PLCB1: variants seen among roughly 807,000 people sequenced by gnomAD.
The protein encoded by PLCB1 is phospholipase C beta 1.
Under a neutral mutation model 161.8 loss-of-function variants are expected in PLCB1, and 46 were observed. That is an observed-to-expected ratio of 0.28 (90% CI 0.22 to 0.36). The LOEUF (loss-of-function observed/expected upper bound fraction) is 0.36. Ranked by LOEUF, PLCB1 falls within the 10% of genes least tolerant of loss-of-function variation. The pLI is 1.00. For missense variants in PLCB1, 1,016 were observed against 1,472.5 expected (o/e 0.69, Z 5.07); for synonymous variants, 517 against 503.7 (o/e 1.03, Z -0.35).
intron 3 of PLCB1, among the ~76,000 whole-genome samples, chr20:8,421,774 C>T (rs77777413): frequency 3.3e-5 from 5 of 152,286 alleles, no homozygotes; most frequent in East Asian, 3.9e-4. Context: ...ACGGCATCAG[C>T]ATCACCAAGG....
intron 3 of PLCB1, among the ~76,000 whole-genome samples, chr20:8,405,492 G>A (rs915070742): frequency 1.7e-4 from 26 of 152,144 alleles, no homozygotes; most frequent in Non-Finnish European, 1.5e-5. Context: ...GTTTTCCCCC[G>A]ATTTAGCAGT....
intron 2 of PLCB1, among the ~76,000 whole-genome samples, chr20:8,288,408 A>AT (rs1469549122): frequency 6.6e-6 from 1 of 152,158 alleles, no homozygotes; most frequent in Non-Finnish European, 1.5e-5. Flanking sequence ...GATGCAAGTG[A>AT]TTTTTGGAGG....
intron 3 of PLCB1, among the ~76,000 whole-genome samples, chr20:8,612,578 A>G (rs2123175113): frequency 6.6e-6 from 1 of 152,296 alleles, no homozygotes; most frequent in African/African-American, 2.4e-5. Context: ...GCATTGGATT[A>G]TCGCGCATCC....
chr20:8,621,696 AC>A (rs757401845), intron 3 of PLCB1, among the ~76,000 whole-genome samples: 11 of 152,202 alleles, frequency 7.2e-5, no homozygotes, highest in African/African-American at 2.2e-4. Context: ...AACTATTTGC[AC>A]TATTTTATAT....
At chr20:8,526,150 T>C (rs558690106) in intron 3 of PLCB1, among the ~76,000 whole-genome samples, 5 of 152,244 alleles carry the variant, frequency 3.3e-5, no homozygotes, top group African/African-American at 9.6e-5. Flanking sequence ...TAATGATTTA[T>C]GCACATACAA....
chr20:8,152,397 T>C (rs2051518132), intron 2 of PLCB1, among the ~76,000 whole-genome samples: 1 of 152,142 alleles, frequency 6.6e-6, no homozygotes, highest in African/African-American at 2.4e-5. Context: ...TTTTAGGAGA[T>C]GGACGACTCC....
At chr20:8,750,704 A>T in intron 23 of PLCB1, 1 of 425,616 alleles carries the variant, frequency 2.3e-6, no homozygotes, top group Non-Finnish European at 4.5e-6. Context: ...AACTAATAGA[A>T]ATTTAAGGTA....
chr20:8,524,171 CTCTAGTCAAAACTATAATAT>C (rs1984491606), intron 3 of PLCB1, among the ~76,000 whole-genome samples: 1 of 152,106 alleles, frequency 6.6e-6, no homozygotes, highest in Admixed American at 6.5e-5. Flanking sequence ...CATTTACATA[CTCTAGTCAAAACTATAATAT>C]TCTATAAACT....
At chr20:8,574,476 A>C (rs1453201530) in intron 3 of PLCB1, among the ~76,000 whole-genome samples, 1 of 152,188 alleles carries the variant, frequency 6.6e-6, no homozygotes, top group East Asian at 1.9e-4. Flanking sequence ...AAAAAAACAG[A>C]AATACTAAGT....
intron 3 of PLCB1, among the ~76,000 whole-genome samples, chr20:8,546,186 A>G (rs1261299239): frequency 9.6e-6 from 1 of 104,088 alleles, no homozygotes; most frequent in Non-Finnish European, 2.1e-5. Context: ...ATGGTGGCGT[A>G]TCCTGTAGTC....
At chr20:8,416,891 T>A (rs935919756) in intron 3 of PLCB1, among the ~76,000 whole-genome samples, 2 of 148,412 alleles carry the variant, frequency 1.3e-5, no homozygotes, top group African/African-American at 5.0e-5. Flanking sequence ...TGGGAAATAG[T>A]CCTTGATGGT....
intron 31 of PLCB1, among the ~76,000 whole-genome samples, chr20:8,869,680 T>C (rs1987547387): frequency 6.6e-6 from 1 of 152,212 alleles, no homozygotes; most frequent in African/African-American, 2.4e-5. Context: ...TGGCTTACAA[T>C]AATAAACATT....
At position 8,794,658 on chromosome 20, in the gene PLCB1, A is replaced by T. The variant is rs114101673; in HGVS notation, c.3423+4397A>T. 5.6e-3 allele frequency among the ~76,000 whole-genome samples: 854 copies of T among 152,242 alleles called. 11 individuals carry two copies. The highest frequency in any genetic ancestry group is 0.02 in the African/African-American group (814 of 41,536). Reference sequence around the variant, plus strand: ...ATGTAATAGTGTGTTTCATGTTCCTAATCTTGTCTTAACAGGGAGGAAGCT... The same window carrying T: ...ATGTAATAGTGTGTTTCATGTTCCTTATCTTGTCTTAACAGGGAGGAAGCT... On this transcript the variant is annotated intron_variant, in intron 31 of 31. Coordinates refer to ENST00000338037, the MANE Select transcript of PLCB1 (RefSeq NM_015192.4).
At chr20:8,227,664 T>C (rs1252974234) in intron 2 of PLCB1, among the ~76,000 whole-genome samples, 1 of 152,206 alleles carries the variant, frequency 6.6e-6, no homozygotes, top group African/African-American at 2.4e-5. Flanking sequence ...AGCCACGCTT[T>C]AAAAATATCA....
chr20:8,454,043 C>T (rs1347852106), intron 3 of PLCB1, among the ~76,000 whole-genome samples: 2 of 152,064 alleles, frequency 1.3e-5, no homozygotes, highest in Non-Finnish European at 2.9e-5. Context: ...GGAAGGTGGC[C>T]GTCTACACGT....
chr20:8,150,415 C>T, intron 2 of PLCB1, 44 bp downstream of exon 2: 7 of 863,248 alleles, frequency 8.1e-6, no homozygotes, highest in Non-Finnish European at 1.1e-5. Context: ...CAGTCGTTTA[C>T]TACTTTGAAA....
intron 3 of PLCB1, 49 bp downstream of exon 3, chr20:8,371,499 G>A (rs1427567565): frequency 7.6e-7 from 1 of 1,311,016 alleles, no homozygotes; most frequent in Admixed American, 1.9e-5. Context: ...TTGATTGTTT[G>A]GCTGTGTCAC....
chr20:8,811,154 C>A (rs1004639793), intron 31 of PLCB1, among the ~76,000 whole-genome samples: 4 of 152,148 alleles, frequency 2.6e-5, no homozygotes, highest in Non-Finnish European at 5.9e-5. Flanking sequence ...GGAGAGTCTT[C>A]TTTGGTTTTA....
chr20:8,483,496 C>A (rs1982593149), intron 3 of PLCB1, among the ~76,000 whole-genome samples: 1 of 152,208 alleles, frequency 6.6e-6, no homozygotes, highest in Non-Finnish European at 1.5e-5. Context: ...CATTGTTTAA[C>A]AATGTCCTTC....
Sources: gnomAD v4.1 joint callset for allele counts (sites outside exome capture counted in the v4.1 genomes callset) on GRCh38, gnomAD v4.1.1 for gene constraint, MANE v1.5 for transcripts, NCBI Gene and HGNC (gene_info 2026-07-23, HGNC 2026-07-21) for gene names.